The following TNFSF10 variants were observed in gnomAD, a reference collection of about 807,000 sequenced individuals.
TNFSF10 encodes tumor necrosis factor ligand superfamily member 10.
In TNFSF10, 13 loss-of-function variants were observed where a neutral mutation model predicts 29.5. The ratio of observed to expected loss-of-function variants is 0.44; its 90% CI spans 0.29 to 0.70. The LOEUF (loss-of-function observed/expected upper bound fraction) is 0.70. Ranked by LOEUF, TNFSF10 falls within the 30% of genes least tolerant of loss-of-function variation. The pLI is 0.13. For missense variants in TNFSF10, 345 were observed against 330.9 expected, an observed-to-expected ratio of 1.04 and a Z score of -0.33; for synonymous variants, 111 against 112.8, an observed-to-expected ratio of 0.98 and a Z score of 0.10.
At chr3:172,512,830 T>G (rs1432578434) in intron 2 of TNFSF10, among the ~76,000 whole-genome samples, 2 of 152,258 alleles carry the variant, frequency 1.3e-5, no homozygotes, top group African/African-American at 4.8e-5. Context: ...CATGGCCAGA[T>G]GCCCTGCATT....
intron 1 of TNFSF10, among the ~76,000 whole-genome samples, chr3:172,516,644 T>G (rs758637451): frequency 1.3e-5 from 2 of 152,184 alleles, no homozygotes; most frequent in Non-Finnish European, 2.9e-5. Flanking sequence ...AGAAAAACAT[T>G]CCCGTAGTAT....
chr3:172,513,647 T>G (rs1713315001), intron 2 of TNFSF10, among the ~76,000 whole-genome samples: 1 of 152,192 alleles, frequency 6.6e-6, no homozygotes, highest in South Asian at 2.1e-4. Context: ...ACAGTATTTA[T>G]ATGGAGAAAC....
intron 1 of TNFSF10, chr3:172,517,344 G>A: frequency 1.0e-6 from 1 of 985,418 alleles, no homozygotes; most frequent in South Asian, 4.7e-5. Flanking sequence ...ACTTTCAGGA[G>A]GAGGTGGAAG....
rs146728851 is a variant in TNFSF10, at chr3:172,523,337, G to C, written c.48C>G (p.Cys16Trp). The C allele has an allele frequency of 4.8e-5, 77 of 1,613,898 alleles. No homozygotes were observed. The highest frequency in any genetic ancestry group is 6.4e-5 in the Non-Finnish European group (76 of 1,179,922). The change falls in exon 1 of 5, where the codon TGC (cysteine) becomes TGG (tryptophan). Residue 16 changes from cysteine to tryptophan, a missense_variant. By Grantham distance (215) the Cys-to-Trp change is radical. Coordinates refer to ENST00000241261, the MANE Select transcript of TNFSF10 (RefSeq NM_003810.4). ...GCACTGTGAAGATCACGATCAGCAC[G>C]CAGGTCTGTCCCAGGCTGGGTCCCC... ...VQGGPSLGQTCVLIVIFTVLL... is the reference protein window; with the variant it reads ...VQGGPSLGQTWVLIVIFTVLL...
At chr3:172,506,956 G>C in intron 4 of TNFSF10, 37 bp from the exon 5 acceptor site, 3 of 1,481,510 alleles carry the variant, frequency 2.0e-6, no homozygotes, top group Non-Finnish European at 2.7e-6. Context: ...GTTAACAGAA[G>C]GGAATTTGTA....
At position 172,509,333 on chromosome 3, in the gene TNFSF10, A is replaced by G. The variant is rs1362999463; in HGVS notation, c.314-12T>C. 1 of 1,609,008 alleles carries G rather than the reference A, an allele frequency of 6.2e-7. No individual in the cohort carries two copies. The highest frequency in any genetic ancestry group is 8.5e-7 in the Non-Finnish European group (1 of 1,176,174). ...ATTTTGTTGCTTTTCTAAAAGAGAA[A>G]TGATAAAGGGTCATCAACACTTGCC... On this transcript the variant is annotated splice_polypyrimidine_tract_variant and intron_variant, in intron 3 of 4. Coordinates refer to ENST00000241261, the MANE Select transcript of TNFSF10 (RefSeq NM_003810.4).
chr3:172,513,109 C>T (rs3136593), intron 2 of TNFSF10, among the ~76,000 whole-genome samples: 3,483 of 152,220 alleles, frequency 0.023, 59 homozygotes, highest in Middle Eastern at 0.065. Flanking sequence ...CCCAGCTTCC[C>T]GCTATTCTAG....
chr3:172,517,392 G>A, intron 1 of TNFSF10: 5 of 985,322 alleles, frequency 5.1e-6, no homozygotes, highest in Non-Finnish European at 6.0e-6. Context: ...GGTATAAGTG[G>A]ATGGGAGGTT....
At chr3:172,512,618 T>G (rs1213073890) in intron 2 of TNFSF10, among the ~76,000 whole-genome samples, 2 of 152,174 alleles carry the variant, frequency 1.3e-5, no homozygotes, top group African/African-American at 4.8e-5. Context: ...GGGCACTGAC[T>G]TACGGGAAGG....
At position 172,511,570 on chromosome 3, in the gene TNFSF10, A is replaced by G. The variant is rs761078142; in HGVS notation, c.313+47T>C. 22 of 1,492,906 alleles carry G rather than the reference A, an allele frequency of 1.5e-5. No homozygotes were observed. The African/African-American group carries it at 2.8e-4, about 19-fold the overall frequency. The allele number at this position is 1,492,906 out of a possible 1,614,324, so 92.5% of individuals were successfully genotyped here. A position where few individuals can be genotyped will look rare whatever the true frequency, so the allele number is the denominator to read the frequency against. On this transcript the variant is annotated intron_variant, in intron 3 of 4. Transcript: ENST00000241261. ...AATGGAGAACTATTCACAACCTGTC[A>G]TGAAGATGACAGTAAAAAATTAAAA...
chr3:172,512,665 C>T (rs1346922652), intron 2 of TNFSF10, among the ~76,000 whole-genome samples: 2 of 152,210 alleles, frequency 1.3e-5, no homozygotes, highest in Admixed American at 6.5e-5. Context: ...TCTCTTATCT[C>T]TGCCTCTCAT....
At position 172,506,486 on chromosome 3, in the gene TNFSF10, G is replaced by A; in HGVS notation, c.*6C>T. 6.3e-7 allele frequency: 1 copy of A among 1,593,056 alleles called. No homozygotes were observed. Among genetic ancestry groups the A allele is most frequent in the Non-Finnish European group, 8.5e-7 (1 of 1,172,360 alleles). On this transcript the variant is annotated 3_prime_UTR_variant, in exon 5 of 5. Coordinates refer to ENST00000241261, the MANE Select transcript of TNFSF10 (RefSeq NM_003810.4). ...TTGAGGTTATTGCTTTTTCTTTCCA[G>A]GTCAGTTAGCCAACTAAAAAGGCCC...
chr3:172,509,362 C>T (rs1010786382), intron 3 of TNFSF10, 41 bp from the exon 4 acceptor site: 1 of 1,536,024 alleles, frequency 6.5e-7, no homozygotes, highest in Non-Finnish European at 9.0e-7. Flanking sequence ...ACTTGCCAAA[C>T]TAGTTCTCCA....
chr3:172,518,395 A>G (rs1486162338), intron 1 of TNFSF10: 4 of 1,288,888 alleles, frequency 3.1e-6, no homozygotes, highest in Non-Finnish European at 4.0e-6. Flanking sequence ...TCAGCAAGGT[A>G]GACTTCAAGA....
At chr3:172,522,230 A>C (rs1713730233) in intron 1 of TNFSF10, 2 of 512,672 alleles carry the variant, frequency 3.9e-6, no homozygotes, top group African/African-American at 3.9e-5. Context: ...AAAATAAAGA[A>C]ATCTGTTTGC....
chr3:172,513,317 C>T (rs376579248), intron 2 of TNFSF10, among the ~76,000 whole-genome samples: 2 of 152,190 alleles, frequency 1.3e-5, no homozygotes, highest in African/African-American at 2.4e-5. Context: ...GCCCCTATCC[C>T]GGGAACTTGG....
At chr3:172,513,988 A>G (rs1441303625) in intron 2 of TNFSF10, among the ~76,000 whole-genome samples, 11 of 152,106 alleles carry the variant, frequency 7.2e-5, no homozygotes, top group Non-Finnish European at 1.6e-4. Flanking sequence ...ACAGGCACAC[A>G]CCACCACACT....
rs1343755773 is a variant in TNFSF10 at position 172,517,523 on chromosome 3, A to T, written c.133-2525T>A. On this transcript the variant is annotated intron_variant, in intron 1 of 4. Transcript: ENST00000241261. Reference sequence around the variant, plus strand: ...AACACTTTTCTAAAAGAAAAAAAAAACCCTCCAAAAACTAAATAAGTAAAT... The same window carrying T: ...AACACTTTTCTAAAAGAAAAAAAAATCCCTCCAAAAACTAAATAAGTAAAT... 9 of 985,200 alleles carry T rather than the reference A, an allele frequency of 9.1e-6. No homozygotes were observed. In the East Asian group the frequency reaches 1.0e-3, roughly 112 times the overall value. The allele number at this position is 985,200 out of a possible 1,614,324, so 61.0% of individuals were successfully genotyped here.
intron 4 of TNFSF10, among the ~76,000 whole-genome samples, chr3:172,508,773 C>A (rs1713099367): frequency 6.6e-6 from 1 of 152,060 alleles, no homozygotes; most frequent in African/African-American, 2.4e-5. Flanking sequence ...CCTGTAATCC[C>A]AGCTACTTGG....
Sources: gnomAD v4.1 joint callset for allele counts (sites outside exome capture counted in the v4.1 genomes callset) on GRCh38, gnomAD v4.1.1 for gene constraint, MANE v1.5 for transcripts, NCBI Gene and HGNC (gene_info 2026-07-23, HGNC 2026-07-21) for gene names.